TMEM225B: variants seen among roughly 807,000 people sequenced by gnomAD.
TMEM225B encodes transmembrane protein 225-like.
In TMEM225B, 10 loss-of-function variants were observed where a neutral mutation model predicts 16.9. The observed-to-expected ratio is 0.59, with a 90% CI of 0.36 to 1.00. The LOEUF (loss-of-function observed/expected upper bound fraction) is 1.00, where lower values mean the gene tolerates loss of function less well. Ranked by LOEUF, TMEM225B falls within the 50% of genes least tolerant of loss-of-function variation. The pLI, the probability that TMEM225B is intolerant of heterozygous loss-of-function variation, is 0.01. For missense variants in TMEM225B, 217 were observed against 267.0 expected, an observed-to-expected ratio of 0.81 and a Z score of 1.30; for synonymous variants, 92 against 109.8, an observed-to-expected ratio of 0.84 and a Z score of 1.01.
intron 2 of TMEM225B, among the ~76,000 whole-genome samples, chr7:99,604,058 A>T (rs1805584317): frequency 6.6e-6 from 1 of 152,198 alleles, no homozygotes; most frequent in African/African-American, 2.4e-5. Context: ...CCCAGCTGAA[A>T]GTTGAGAACT....
intron 4 of TMEM225B, among the ~76,000 whole-genome samples, chr7:99,607,232 C>T (rs997062942): frequency 1.1e-4 from 16 of 152,032 alleles, no homozygotes; most frequent in Middle Eastern, 3.4e-3. Flanking sequence ...TGGTGTCAAG[C>T]GGTCCTCCTG....
chr7:99,608,839 G>A (rs10258892), intron 5 of TMEM225B, among the ~76,000 whole-genome samples: 4,351 of 132,120 alleles, frequency 0.033, 285 homozygotes, highest in African/African-American at 0.13. Flanking sequence ...GTGTGTGCAC[G>A]TATATATATA....
At chr7:99,607,126 T>G (rs1390702448) in intron 4 of TMEM225B, among the ~76,000 whole-genome samples, 1 of 152,034 alleles carries the variant, frequency 6.6e-6, no homozygotes, top group Non-Finnish European at 1.5e-5. Flanking sequence ...TAGATGGGAC[T>G]CTAGGCATGT....
At position 99,606,879 on chromosome 7, in the gene TMEM225B, A is replaced by G; in HGVS notation, c.340A>G (p.Ile114Val). 2.0e-6 allele frequency: 3 copies of G among 1,536,146 alleles called. No homozygotes were observed. The highest frequency in any genetic ancestry group is 2.6e-6 in the Non-Finnish European group (3 of 1,146,912). ...TWKQNFVLAC[I>V]SFFTGACAFL... is the part of the protein sequence containing the mutation. ...GAAGCAAAACTTTGTGTTAGCCTGC[A>G]TCAGCTTCTTCACAGGTGTGGAACA... is the stretch of plus-strand genomic sequence containing the variant. Residue 114 changes from isoleucine to valine, a missense_variant, in exon 4 of 6, where the codon ATC (isoleucine) becomes GTC (valine). Transcript: ENST00000431679.
In TMEM225B at chr7:99,610,628, A is replaced by C; in HGVS notation, c.*63A>C. ...TGAGTGTACACATGTAGCTGTTTGT[A>C]GTCCTCCCCACCCTCTCTGCCAGTA... is the stretch of plus-strand genomic sequence containing the variant. On this transcript the variant is annotated 3_prime_UTR_variant, in exon 6 of 6. Transcript: ENST00000431679. 7.0e-7 allele frequency: 1 copy of C among 1,437,072 alleles called. No homozygotes were observed. The highest frequency in any genetic ancestry group is 1.3e-5 in the South Asian group (1 of 79,398). The allele number at this position is 1,437,072 out of a possible 1,614,324, so 89.0% of individuals were successfully genotyped here.
chr7:99,606,729 A>T lies in TMEM225B; in HGVS notation c.209-19A>T, dbSNP rs983818251. ...GGTCAGGGTTCCCAGCTTCAGCCCC[A>T]CTTCTCCCTCCCCTGCAGTTTACAT... On this transcript the variant is annotated intron_variant, in intron 3 of 5. Coordinates refer to ENST00000431679, the MANE Select transcript of TMEM225B (RefSeq NM_001195541.3). The T allele has an allele frequency of 4.6e-6, 7 of 1,535,190 alleles. No homozygotes were observed. The highest frequency in any genetic ancestry group is 6.1e-6 in the Non-Finnish European group (7 of 1,146,370).
intron 1 of TMEM225B, among the ~76,000 whole-genome samples, chr7:99,599,286 TA>T (rs1805139123): frequency 6.6e-6 from 1 of 152,038 alleles, no homozygotes; most frequent in South Asian, 2.1e-4. Flanking sequence ...ATGGGTCCTT[TA>T]AAAAATAATA....
intron 2 of TMEM225B, 90 bp downstream of exon 2, chr7:99,600,375 G>T (rs1805257146): frequency 2.9e-6 from 2 of 689,728 alleles, no homozygotes; most frequent in Non-Finnish European, 5.3e-6. Context: ...GGGGAGTGGG[G>T]TTTGGAAAAT....
At chr7:99,600,708 C>T (rs1208614927) in intron 2 of TMEM225B, among the ~76,000 whole-genome samples, 1 of 152,134 alleles carries the variant, frequency 6.6e-6, no homozygotes, top group Non-Finnish European at 1.5e-5. Context: ...ATTATCTCCA[C>T]CTGGCCCTGC....
At chr7:99,605,005 A>G (rs1259065840) in intron 3 of TMEM225B, among the ~76,000 whole-genome samples, 1 of 137,616 alleles carries the variant, frequency 7.3e-6, no homozygotes. Context: ...CAAAACAACA[A>G]CAACAACAAC....
chr7:99,610,125 T>G (rs1002575571), intron 5 of TMEM225B, among the ~76,000 whole-genome samples: 1 of 152,206 alleles, frequency 6.6e-6, no homozygotes, highest in Non-Finnish European at 1.5e-5. Context: ...GGAACTTCCT[T>G]TCTCTAAACC....
chr7:99,602,661 C>G (rs910508291), intron 2 of TMEM225B, among the ~76,000 whole-genome samples: 2 of 152,146 alleles, frequency 1.3e-5, no homozygotes, highest in East Asian at 3.9e-4. Context: ...CAAGACCAGC[C>G]AGCACTTACC....
chr7:99,606,944 G>A, intron 4 of TMEM225B, 50 bp downstream of exon 4: 2 of 1,529,270 alleles, frequency 1.3e-6, no homozygotes, highest in African/African-American at 1.4e-5. Context: ...CTGGGGAGGA[G>A]TCCAGAGAAA....
chr7:99,598,904 G>A (rs1323298107), intron 1 of TMEM225B, among the ~76,000 whole-genome samples: 1 of 152,212 alleles, frequency 6.6e-6, no homozygotes, highest in Admixed American at 6.5e-5. Flanking sequence ...TCAGACGCTG[G>A]TCCAGGCACC....
At chr7:99,601,244 T>C (rs1436412740) in intron 2 of TMEM225B, among the ~76,000 whole-genome samples, 1 of 151,964 alleles carries the variant, frequency 6.6e-6, no homozygotes, top group Non-Finnish European at 1.5e-5. Context: ...AGCCCTGAGG[T>C]TGGGGTGACT....
chr7:99,600,057 G>T (rs1318879667), intron 1 of TMEM225B, 148 bp from the exon 2 acceptor site: 4 of 614,134 alleles, frequency 6.5e-6, no homozygotes, highest in Non-Finnish European at 1.2e-5. Flanking sequence ...AGGAGGACAA[G>T]GTCCTCATCA....
At chr7:99,605,988 A>G (rs559987609) in intron 3 of TMEM225B, among the ~76,000 whole-genome samples, 2 of 152,358 alleles carry the variant, frequency 1.3e-5, no homozygotes, top group African/African-American at 4.8e-5. Flanking sequence ...CAGGCGAATT[A>G]CTTCAGGGTA....
Position 99,604,484 on chromosome 7 carries a change from C to T in TMEM225B, c.96C>T (p.Ser32=). The T allele has an allele frequency of 6.5e-7, 1 of 1,536,046 alleles. No individual in the cohort carries two copies. The highest frequency in any genetic ancestry group is 8.7e-7 in the Non-Finnish European group (1 of 1,146,828). ...SLGYLIILVV[S]IFPFWVRLTN... The stretch of plus-strand genomic sequence containing the variant: ...GCTACCTGATTATACTGGTGGTCTC[C>T]ATCTTTCCCTTCTGGGTGCGACTGA... Residue 32 remains serine, a synonymous_variant, in exon 3 of 6, where the codon TCC becomes TCT. Transcript: ENST00000431679.
chr7:99,603,809 T>G (rs1304072917), intron 2 of TMEM225B, among the ~76,000 whole-genome samples: 1 of 151,830 alleles, frequency 6.6e-6, no homozygotes, highest in African/African-American at 2.4e-5. Context: ...TCACCCAGGC[T>G]GGAGGGCAGT....
Sources: gnomAD v4.1 joint callset for allele counts (sites outside exome capture counted in the v4.1 genomes callset) on GRCh38, gnomAD v4.1.1 for gene constraint, MANE v1.5 for transcripts, NCBI Gene and HGNC (gene_info 2026-07-23, HGNC 2026-07-21) for gene names.